CCSER1: variants seen among roughly 807,000 people sequenced by gnomAD.
CCSER1 encodes the protein serine-rich coiled-coil domain-containing protein 1.
Under a neutral mutation model 82.0 loss-of-function variants are expected in CCSER1, and 41 were observed. The observed-to-expected ratio is 0.50, with a 90% CI of 0.39 to 0.65. CCSER1 has a LOEUF of 0.65. Ranked by LOEUF, CCSER1 falls within the 30% of genes least tolerant of loss-of-function variation. The pLI, the probability that CCSER1 is intolerant of heterozygous loss-of-function variation, is 0.00. For synonymous variants in CCSER1, 414 were observed against 383.9 expected (o/e 1.08, Z -0.92); for missense variants, 1,119 against 1,064.2 (o/e 1.05, Z -0.72).
intron 3 of CCSER1, among the ~76,000 whole-genome samples, chr4:90,388,109 C>T (rs1443495368): frequency 1.3e-5 from 2 of 152,038 alleles, no homozygotes; most frequent in Non-Finnish European, 2.9e-5. Context: ...GCAGGTAATA[C>T]CTATTCTAAT....
At chr4:90,753,659 A>G (rs1431752272) in intron 7 of CCSER1, among the ~76,000 whole-genome samples, 4 of 151,916 alleles carry the variant, frequency 2.6e-5, no homozygotes, top group African/African-American at 9.7e-5. Context: ...CTGTAATTCC[A>G]TTTCCCACAT....
At chr4:91,366,297 A>C (rs1749611844) in intron 10 of CCSER1, among the ~76,000 whole-genome samples, 1 of 152,206 alleles carries the variant, frequency 6.6e-6, no homozygotes, top group Admixed American at 6.5e-5. Context: ...CTGGGATTAC[A>C]GGCGTGAGCC....
intron 10 of CCSER1, among the ~76,000 whole-genome samples, chr4:91,427,876 A>G (rs1754083252): frequency 6.6e-6 from 1 of 151,868 alleles, no homozygotes; most frequent in Non-Finnish European, 1.5e-5. Flanking sequence ...TGCTTTTAAT[A>G]TGCTTGATTA....
intron 1 of CCSER1, among the ~76,000 whole-genome samples, chr4:90,235,579 C>T (rs1745631763): frequency 6.6e-6 from 1 of 152,050 alleles, no homozygotes; most frequent in African/African-American, 2.4e-5. Context: ...ATTTCATAAT[C>T]CTGAAACATA....
At chr4:90,310,268 A>G (rs1019608444) in intron 2 of CCSER1, among the ~76,000 whole-genome samples, 3 of 152,098 alleles carry the variant, frequency 2.0e-5, no homozygotes, top group African/African-American at 7.2e-5. Context: ...AAGTGTTAGT[A>G]TATGTCCATT....
At chr4:90,565,644 TG>T (rs1779275577) in intron 5 of CCSER1, among the ~76,000 whole-genome samples, 2 of 152,230 alleles carry the variant, frequency 1.3e-5, no homozygotes, top group Admixed American at 6.5e-5. Flanking sequence ...GCTGTGCGTT[TG>T]TCATATATGA....
At chr4:90,196,004 T>C (rs1383255299) in intron 1 of CCSER1, among the ~76,000 whole-genome samples, 1 of 152,008 alleles carries the variant, frequency 6.6e-6, no homozygotes, top group Non-Finnish European at 1.5e-5. Flanking sequence ...TCCTTTGTTC[T>C]CGTATGCTAA....
intron 9 of CCSER1, among the ~76,000 whole-genome samples, chr4:90,932,063 C>T (rs1036578520): frequency 6.6e-6 from 1 of 151,998 alleles, no homozygotes; most frequent in African/African-American, 2.4e-5. Context: ...TAGAAAGTTT[C>T]CTAAAAGAAA....
intron 8 of CCSER1, among the ~76,000 whole-genome samples, chr4:90,912,532 T>TG (rs1726569830): frequency 6.6e-6 from 1 of 151,030 alleles, no homozygotes; most frequent in South Asian, 2.1e-4. Flanking sequence ...ACCACAAAGA[T>TG]GGGGAAAAAA....
At chr4:91,037,339 G>A (rs1741535853) in intron 9 of CCSER1, among the ~76,000 whole-genome samples, 1 of 151,976 alleles carries the variant, frequency 6.6e-6, no homozygotes, top group Admixed American at 6.6e-5. Flanking sequence ...CTGTGACCCT[G>A]AAGAAAAGTA....
intron 1 of CCSER1, among the ~76,000 whole-genome samples, chr4:90,296,346 G>GT (rs915148715): frequency 1.5e-4 from 23 of 151,672 alleles, no homozygotes; most frequent in Admixed American, 1.5e-3. Flanking sequence ...TGATGGGGTT[G>GT]TTTTTTTTCT....
intron 1 of CCSER1, among the ~76,000 whole-genome samples, chr4:90,201,623 A>G (rs891385744): frequency 2.0e-5 from 3 of 151,726 alleles, no homozygotes; most frequent in Admixed American, 6.6e-5. Context: ...GTGTGTATTT[A>G]CACTTACGGA....
intron 8 of CCSER1, among the ~76,000 whole-genome samples, chr4:90,846,957 A>T (rs1763298948): frequency 6.6e-6 from 1 of 152,092 alleles, no homozygotes. Flanking sequence ...TATTTTGTGA[A>T]ATATTATGTT....
intron 6 of CCSER1, among the ~76,000 whole-genome samples, chr4:90,702,946 G>C (rs1273293567): frequency 6.6e-6 from 1 of 152,008 alleles, no homozygotes; most frequent in Non-Finnish European, 1.5e-5. Flanking sequence ...TTAATTTTTT[G>C]AAGGGTTTTT....
chr4:90,733,691 G>T (rs75346655), intron 7 of CCSER1, among the ~76,000 whole-genome samples: 2 of 152,074 alleles, frequency 1.3e-5, no homozygotes, highest in Non-Finnish European at 2.9e-5. Context: ...ATTTTGACTT[G>T]ATATTTTGTA....
rs530412165 is a variant in CCSER1, at chr4:90,919,501, A to G, written c.2095-3869A>G. On this transcript the variant is annotated intron_variant, in intron 8 of 10. Transcript: ENST00000509176. ...TATTACTTGATACAGTGCCTGGCATATAACCTACATTCTACTAATGGCATC... is the reference window on the plus strand; with the variant it reads ...TATTACTTGATACAGTGCCTGGCATGTAACCTACATTCTACTAATGGCATC... Among the ~76,000 whole-genome samples the G allele has an allele frequency of 3.9e-5, 6 of 152,086 alleles. No individual in the cohort carries two copies. In the South Asian group the frequency reaches 8.3e-4, roughly 21 times the overall value.
chr4:90,978,374 A>G (rs1181396622), intron 9 of CCSER1, among the ~76,000 whole-genome samples: 1 of 151,692 alleles, frequency 6.6e-6, no homozygotes, highest in African/African-American at 2.4e-5. Context: ...AATACTTTCT[A>G]TAAACAATGG....
Position 91,529,878 on chromosome 4 carries a change from G to C in CCSER1, c.2218-68694G>C, listed in dbSNP as rs75263250. Among the ~76,000 whole-genome samples, 441 of 152,200 alleles carry C rather than the reference G, an allele frequency of 2.9e-3. 5 individuals are homozygous for C. The highest frequency in any genetic ancestry group is 0.01 in the African/African-American group (420 of 41,558). On this transcript the variant is annotated intron_variant, in intron 10 of 10. Coordinates refer to ENST00000509176, the MANE Select transcript of CCSER1 (RefSeq NM_001145065.2). ...GATATTAACTAAAATCCACGTCAGA[G>C]GGAAGACACAGGGAATTTATTTACT...
chr4:90,911,449 A>C (rs997171678), intron 8 of CCSER1: 2 of 376,184 alleles, frequency 5.3e-6, no homozygotes, highest in Non-Finnish European at 1.1e-5. Flanking sequence ...AATCCCTATG[A>C]TTCTCTCTGT....
Sources: allele counts gnomAD v4.1 joint callset (sites outside exome capture counted in the v4.1 genomes callset), GRCh38; gene constraint gnomAD v4.1.1; transcripts MANE v1.5; gene names NCBI Gene and HGNC (gene_info 2026-07-23, HGNC 2026-07-21).